The following TNNI3K variants were observed in gnomAD, a reference collection of about 807,000 sequenced individuals.
The protein encoded by TNNI3K is TNNI3 interacting kinase.
Under a neutral mutation model 114.5 loss-of-function variants are expected in TNNI3K, and 140 were observed. The observed-to-expected ratio is 1.22, with a 90% confidence interval of 1.07 to 1.41. The LOEUF (loss-of-function observed/expected upper bound fraction) is 1.41, where lower values mean the gene tolerates loss of function less well. Ranked by LOEUF, TNNI3K falls within the 40% of genes most tolerant of loss-of-function variation. The probability of loss-of-function intolerance (pLI) is 0.00; values close to 1 mark genes in which losing one functional copy is unlikely to be tolerated. For synonymous variants in TNNI3K, 347 were observed against 347.5 expected, an observed-to-expected ratio of 1.00 and a Z score of 0.02; for missense variants, 1,125 against 1,007.6, an observed-to-expected ratio of 1.12 and a Z score of -1.58.
At chr1:74,513,293 T>C (rs11210470) in intron 23 of TNNI3K, among the ~76,000 whole-genome samples, 14,530 of 152,258 alleles carry the variant, frequency 0.095, 1,586 homozygotes, top group African/African-American at 0.27. Flanking sequence ...ACTGAGTCCC[T>C]GTCCTTTCAT....
At chr1:74,420,131 A>G (rs1210523851) in intron 17 of TNNI3K, among the ~76,000 whole-genome samples, 1 of 152,076 alleles carries the variant, frequency 6.6e-6, no homozygotes, top group African/African-American at 2.4e-5. Flanking sequence ...ATTTGGATGC[A>G]TTTTTTATGC....
chr1:74,456,467 T>C (rs1667229896), intron 20 of TNNI3K, among the ~76,000 whole-genome samples: 1 of 152,198 alleles, frequency 6.6e-6, no homozygotes, highest in Non-Finnish European at 1.5e-5. Flanking sequence ...AATCAACACC[T>C]GCTTCCCAGA....
chr1:74,502,008 T>C (rs1039316696), intron 23 of TNNI3K, among the ~76,000 whole-genome samples: 1 of 152,148 alleles, frequency 6.6e-6, no homozygotes, highest in Non-Finnish European at 1.5e-5. Flanking sequence ...GATGTTGCCC[T>C]TTGAAGATTT....
At chr1:74,530,632 C>A (rs1646569546) in intron 23 of TNNI3K, among the ~76,000 whole-genome samples, 3 of 152,082 alleles carry the variant, frequency 2.0e-5, no homozygotes, top group Admixed American at 1.3e-4. Flanking sequence ...ATTCTCAAGG[C>A]CTCAGTTTCC....
intron 21 of TNNI3K, chr1:74,469,314 G>A (rs1201423167): frequency 6.6e-6 from 1 of 152,460 alleles, no homozygotes; most frequent in African/African-American, 2.4e-5. Flanking sequence ...TTAAATCTGG[G>A]ATGATTGTCA....
At chr1:74,455,780 T>C (rs1667202230) in intron 20 of TNNI3K, among the ~76,000 whole-genome samples, 1 of 152,216 alleles carries the variant, frequency 6.6e-6, no homozygotes, top group Non-Finnish European at 1.5e-5. Flanking sequence ...TGCCTCCTCA[T>C]TCTGTTGGGG....
chr1:74,480,043 C>T (rs1184030615), intron 21 of TNNI3K: 7 of 613,866 alleles, frequency 1.1e-5, no homozygotes, highest in South Asian at 3.9e-5. Flanking sequence ...GGCAACCTCT[C>T]CTTTCCATAG....
intron 11 of TNNI3K, among the ~76,000 whole-genome samples, chr1:74,363,216 G>A (rs1373241451): frequency 6.6e-6 from 1 of 151,954 alleles, no homozygotes; most frequent in African/African-American, 2.4e-5. Context: ...TCCAGGAGCT[G>A]GGCTTTAGTG....
At chr1:74,455,551 T>G (rs1388037620) in intron 20 of TNNI3K, among the ~76,000 whole-genome samples, 1 of 152,156 alleles carries the variant, frequency 6.6e-6, no homozygotes, top group Non-Finnish European at 1.5e-5. Flanking sequence ...ACTCATATGA[T>G]TATGAAGACC....
At chr1:74,506,807 T>G (rs1208324401) in intron 23 of TNNI3K, among the ~76,000 whole-genome samples, 1 of 152,222 alleles carries the variant, frequency 6.6e-6, no homozygotes, top group East Asian at 1.9e-4. Context: ...TTTTTCCTTC[T>G]CCAAGGTTGT....
At chr1:74,455,401 C>T (rs1162307179) in intron 20 of TNNI3K, among the ~76,000 whole-genome samples, 1 of 152,110 alleles carries the variant, frequency 6.6e-6, no homozygotes, top group Admixed American at 6.6e-5. Context: ...ACAAGGACAT[C>T]AGTCAAACAA....
In TNNI3K at chr1:74,544,079, T is replaced by C; in HGVS notation, c.*97T>C. 1 of 1,327,152 alleles carries C rather than the reference T, an allele frequency of 7.5e-7. No individual in the cohort carries two copies. The highest frequency in any genetic ancestry group is 1.0e-6 in the Non-Finnish European group (1 of 971,658). The allele number at this position is 1,327,152 out of a possible 1,614,324, so 82.2% of individuals were successfully genotyped here. On this transcript the variant is annotated 3_prime_UTR_variant, in exon 25 of 25. Coordinates refer to ENST00000326637, the MANE Select transcript of TNNI3K (RefSeq NM_015978.3). ...GGCTTCCAACTATAACATTTTACTCTCAAAGGTCTCCTTAAATTGGGCTTG... is the reference window on the plus strand; with the variant it reads ...GGCTTCCAACTATAACATTTTACTCCCAAAGGTCTCCTTAAATTGGGCTTG...
At chr1:74,345,029 G>A (rs1287879829) in intron 9 of TNNI3K, among the ~76,000 whole-genome samples, 3 of 151,970 alleles carry the variant, frequency 2.0e-5, no homozygotes, top group Admixed American at 2.0e-4. Flanking sequence ...ACACGTGTGT[G>A]CATGTATATA....
chr1:74,439,682 T>G, intron 20 of TNNI3K, 60 bp downstream of exon 20: 1 of 1,586,718 alleles, frequency 6.3e-7, no homozygotes, highest in Non-Finnish European at 8.6e-7. Flanking sequence ...TTTTTATAAC[T>G]TCAAGAAAAT....
chr1:74,245,057 A>G (rs974109765), intron 2 of TNNI3K, among the ~76,000 whole-genome samples: 4 of 152,192 alleles, frequency 2.6e-5, no homozygotes, highest in African/African-American at 9.6e-5. Flanking sequence ...TAGAAAACAG[A>G]CATCTGAAAG....
At chr1:74,474,193 T>C (rs931753945) in intron 21 of TNNI3K, among the ~76,000 whole-genome samples, 7 of 152,112 alleles carry the variant, frequency 4.6e-5, no homozygotes, top group South Asian at 2.1e-4. Context: ...AGTTCAGGCA[T>C]TGGACAAAGT....
intron 4 of TNNI3K, among the ~76,000 whole-genome samples, chr1:74,259,739 C>T (rs1189192441): frequency 1.4e-4 from 22 of 152,106 alleles, no homozygotes. Context: ...TGCCACTGTA[C>T]TCCAGCTGGG....
At chr1:74,286,075 C>T (rs886079909) in intron 5 of TNNI3K, among the ~76,000 whole-genome samples, 2 of 152,184 alleles carry the variant, frequency 1.3e-5, no homozygotes, top group African/African-American at 4.8e-5. Flanking sequence ...GCAGAGAAAT[C>T]AGCAAAGACA....
chr1:74,497,138 T>G (rs897286234), intron 23 of TNNI3K, among the ~76,000 whole-genome samples: 2 of 152,172 alleles, frequency 1.3e-5, no homozygotes, highest in Non-Finnish European at 2.9e-5. Context: ...TTATAAAATT[T>G]TAATTTACTC....
Sources: gnomAD v4.1 joint callset for allele counts (sites outside exome capture counted in the v4.1 genomes callset) on GRCh38, gnomAD v4.1.1 for gene constraint, MANE v1.5 for transcripts, NCBI Gene and HGNC (gene_info 2026-07-23, HGNC 2026-07-21) for gene names.